DHX40: variants seen among roughly 807,000 people sequenced by gnomAD.
DHX40 encodes the protein probable ATP-dependent RNA helicase DHX40.
DHX40 carries 28 observed loss-of-function variants against 89.6 expected under a neutral mutation model. The ratio of observed to expected loss-of-function variants is 0.31; its 90% CI spans 0.23 to 0.43. The LOEUF is 0.43. DHX40 is among the 20% of genes least tolerant of loss of function. The pLI is 1.00. For synonymous variants in DHX40, 226 were observed against 283.6 expected (o/e 0.80, Z 2.04); for missense variants, 457 against 844.0 (o/e 0.54, Z 5.68).
chr17:59,606,255 CT>C (rs2030844387), intron 17 of DHX40, among the ~76,000 whole-genome samples: 1 of 151,992 alleles, frequency 6.6e-6, no homozygotes, highest in South Asian at 2.1e-4. Flanking sequence ...AATTAGGACC[CT>C]GGTTGGGAGG....
chr17:59,605,686 A>G lies in DHX40; in HGVS notation c.2200+12A>G. 1 of 1,594,774 alleles carries G rather than the reference A, an allele frequency of 6.3e-7. No individual in the cohort carries two copies. On this transcript the variant is annotated intron_variant, in intron 17 of 17. Transcript: ENST00000251241. ...AAAGCAGCTAAAGGGTGAGTAAATC[A>G]TTTGTTCTACTCTTAACCACTATGC... is the stretch of plus-strand genomic sequence containing the variant.
At chr17:59,596,739 G>T (rs1262325299) in intron 12 of DHX40, among the ~76,000 whole-genome samples, 1 of 152,046 alleles carries the variant, frequency 6.6e-6, no homozygotes, top group Non-Finnish European at 1.5e-5. Flanking sequence ...TGCTACCTAG[G>T]TAACATAGTT....
intron 15 of DHX40, 79 bp from the exon 16 acceptor site, chr17:59,605,036 T>C: frequency 8.4e-7 from 1 of 1,192,814 alleles, no homozygotes; most frequent in Non-Finnish European, 1.2e-6. Flanking sequence ...ATTGTAATTG[T>C]TCATTGCTGA....
At position 59,607,090 on chromosome 17, in the gene DHX40, T is replaced by C. The variant is rs1181838221; in HGVS notation, c.2258T>C (p.Ile753Thr). ...KMQRRNDDKSISDARARFLER... is the reference protein window; with the variant it reads ...KMQRRNDDKSTSDARARFLER... ...CAAAGAAGAAATGATGACAAATCCA[T>C]ATCTGATGCACGGGCTCGTTTCCTT... Residue 753 changes from isoleucine (I) to threonine (T), a missense_variant, in exon 18 of 18, where the codon ATA becomes ACA. By Grantham distance (89) the Ile-to-Thr change is moderately conservative (BLOSUM62 -1). This residue lies in a region of DHX40 where 120 missense variants were observed against 161.7 expected (regional missense o/e 0.74). Transcript: ENST00000251241. 6.2e-7 allele frequency: 1 copy of C among 1,614,174 alleles called. No individual in the cohort carries two copies. Among genetic ancestry groups the C allele is most frequent in the Non-Finnish European group, 8.5e-7 (1 of 1,180,032 alleles).
chr17:59,602,385 G>T, intron 14 of DHX40, 137 bp from the exon 15 acceptor site: 1 of 670,014 alleles, frequency 1.5e-6, no homozygotes, highest in Non-Finnish European at 2.3e-6. Context: ...TTGGTTTCAG[G>T]TGGAAGGGTA....
chr17:59,600,817 C>G (rs1598176946), intron 14 of DHX40, among the ~76,000 whole-genome samples: 1 of 151,058 alleles, frequency 6.6e-6, no homozygotes, highest in East Asian at 1.9e-4. Context: ...ACACTCTAGC[C>G]TGGGCAACAG....
chr17:59,592,615 T>C (rs1309352265), intron 12 of DHX40, among the ~76,000 whole-genome samples: 1 of 148,344 alleles, frequency 6.7e-6, no homozygotes, highest in Non-Finnish European at 1.5e-5. Context: ...TCTTGCTCTG[T>C]CATCCAGGGT....
At chr17:59,601,753 A>G (rs947143268) in intron 14 of DHX40, among the ~76,000 whole-genome samples, 4 of 151,948 alleles carry the variant, frequency 2.6e-5, no homozygotes, top group African/African-American at 9.7e-5. Flanking sequence ...GGTGCTGGAT[A>G]TTTTTGTGTT....
rs567562092 is a variant in DHX40, at chr17:59,566,876, G to C, written c.280+82G>C. On this transcript the variant is annotated intron_variant, in intron 2 of 17. Coordinates refer to ENST00000251241, the MANE Select transcript of DHX40 (RefSeq NM_024612.5). ...GGCCAGTAGGACTTCTGTACTCCAT[G>C]ATTGCCCAGTATTTGCTTTATAGTC... The C allele has an allele frequency of 1.5e-4, 187 of 1,250,450 alleles. 1 individual carries two copies. The South Asian group carries it at 3.0e-3, about 20-fold the overall frequency. 77.5% of individuals were successfully genotyped at this position (1,250,450 alleles called of 1,614,324 possible).
Position 59,565,708 on chromosome 17 carries a change from A to C in DHX40, c.37A>C (p.Arg13=), listed in dbSNP as rs35023906. 3.1e-5 allele frequency: 49 copies of C among 1,603,826 alleles called. No homozygotes were observed. The African/African-American group carries it at 6.4e-4, about 21-fold the overall frequency. The change falls in exon 1 of 18, where the codon AGG becomes CGG. Residue 13 remains arginine (R), a synonymous_variant. Transcript: ENST00000251241. ...RFPAVAGRAP[R]RQEEGERSRD... The stretch of plus-strand genomic sequence containing the variant: ...TCCCGCAGTCGCGGGCAGGGCGCCA[A>C]GGCGGCAGGAGGAGGGTGAGCGGTC...
At chr17:59,569,704 T>C (rs1357760748) in intron 2 of DHX40, among the ~76,000 whole-genome samples, 2 of 140,786 alleles carry the variant, frequency 1.4e-5, no homozygotes, top group Admixed American at 1.4e-4. Flanking sequence ...AAAAAATATA[T>C]ATATATCTAT....
chr17:59,601,717 C>G (rs1407016702), intron 14 of DHX40, among the ~76,000 whole-genome samples: 1 of 152,080 alleles, frequency 6.6e-6, no homozygotes, highest in Non-Finnish European at 1.5e-5. Flanking sequence ...CAGCGGATGC[C>G]AAACATTGTG....
At position 59,588,242 on chromosome 17, in the gene DHX40, C is replaced by A. The variant is rs536763008; in HGVS notation, c.1582+189C>A. Reference sequence around the variant, plus strand: ...ACTAAAAAAAAAAAAAAAAAAAAAACCAAAAACAAAATTAATAGACTTTAT... The same window carrying A: ...ACTAAAAAAAAAAAAAAAAAAAAAAACAAAAACAAAATTAATAGACTTTAT... On this transcript the variant is annotated intron_variant, in intron 12 of 17. Transcript: ENST00000251241. Among the ~76,000 whole-genome samples the A allele has an allele frequency of 5.8e-3, 788 of 136,560 alleles. 34 individuals are homozygous for A. The highest frequency in any genetic ancestry group is 0.02 in the African/African-American group (682 of 33,882). The allele number at this position is 136,560 out of a possible 152,430, so 89.6% of individuals were successfully genotyped here.
At chr17:59,573,561 T>C (rs1598142528) in intron 4 of DHX40, among the ~76,000 whole-genome samples, 179 bp from the exon 5 acceptor site, 2 of 152,138 alleles carry the variant, frequency 1.3e-5, no homozygotes, top group Admixed American at 1.3e-4. Flanking sequence ...CTCGACCTCC[T>C]GGCCTCCGAC....
chr17:59,590,848 A>G (rs2049072175), intron 12 of DHX40, among the ~76,000 whole-genome samples: 1 of 151,612 alleles, frequency 6.6e-6, no homozygotes, highest in African/African-American at 2.4e-5. Context: ...AATGCTGTAT[A>G]AAAATAAGTA....
chr17:59,586,538 C>T lies in DHX40; in HGVS notation c.1424+305C>T, dbSNP rs528376478. On this transcript the variant is annotated intron_variant, in intron 11 of 17. Transcript: ENST00000251241. ...AAAATTAGCTGGGCGTGGTGGTGGG[C>T]GCCTGTAGTCCCAGCTACTCGGGAG... is the stretch of plus-strand genomic sequence containing the variant. Among the ~76,000 whole-genome samples, 493 of 151,600 alleles carry T rather than the reference C, an allele frequency of 3.3e-3. 2 individuals carry two copies. Among genetic ancestry groups the T allele is most frequent in the African/African-American group, 0.011 (468 of 41,304 alleles).
chr17:59,577,740 A>G (rs2143249737), intron 8 of DHX40, among the ~76,000 whole-genome samples: 1 of 152,272 alleles, frequency 6.6e-6, no homozygotes, highest in East Asian at 1.9e-4. Flanking sequence ...GGCATGTGTC[A>G]CCGTACTTGG....
At chr17:59,570,174 A>G (rs1429168628) in intron 2 of DHX40, among the ~76,000 whole-genome samples, 1 of 125,604 alleles carries the variant, frequency 8.0e-6, no homozygotes, top group African/African-American at 3.2e-5. Flanking sequence ...TATGTTATAT[A>G]TTAATATATA....
intron 15 of DHX40, 92 bp from the exon 16 acceptor site, chr17:59,605,023 C>G (rs1305328409): frequency 1.9e-6 from 2 of 1,039,080 alleles, no homozygotes; most frequent in African/African-American, 3.2e-5. Flanking sequence ...TGTAGTAGAA[C>G]ATATTGTAAT....
Sources: gnomAD v4.1 joint callset for allele counts (sites outside exome capture counted in the v4.1 genomes callset) on GRCh38, gnomAD v4.1.1 for gene constraint, gnomAD v4.1.1 regional missense constraint, MANE v1.5 for transcripts, NCBI Gene and HGNC (gene_info 2026-07-23, HGNC 2026-07-21) for gene names.